The following KCNH1 variants were observed in gnomAD, a reference collection of about 807,000 sequenced individuals.
KCNH1 encodes voltage-gated delayed rectifier potassium channel KCNH1.
In KCNH1, 27 loss-of-function variants were observed where a neutral mutation model predicts 69.2. The ratio of observed to expected loss-of-function variants is 0.39; its 90% CI spans 0.29 to 0.54. The LOEUF is 0.54. Ranked by LOEUF, KCNH1 falls within the 20% of genes least tolerant of loss-of-function variation. The pLI is 0.68. For missense variants in KCNH1, 798 were observed against 1,261.6 expected, an observed-to-expected ratio of 0.63 and a Z score of 5.57; for synonymous variants, 456 against 487.7, an observed-to-expected ratio of 0.93 and a Z score of 0.86.
chr1:211,069,973 A>G (rs1415963472), intron 5 of KCNH1, among the ~76,000 whole-genome samples: 1 of 152,242 alleles, frequency 6.6e-6, no homozygotes, highest in African/African-American at 2.4e-5. Flanking sequence ...GGACAACTAC[A>G]AAAGGTATAA....
At chr1:211,072,048 G>C (rs1049727303) in intron 5 of KCNH1, among the ~76,000 whole-genome samples, 1 of 152,112 alleles carries the variant, frequency 6.6e-6, no homozygotes, top group Non-Finnish European at 1.5e-5. Context: ...GGCGGAGGTG[G>C]GAGGATCACC....
chr1:210,786,182 A>C (rs76423775), intron 9 of KCNH1, among the ~76,000 whole-genome samples: 6,782 of 152,102 alleles, frequency 0.045, 215 homozygotes, highest in Non-Finnish European at 0.063. Flanking sequence ...ATAGTCAATA[A>C]CTCCTTTGCT....
At chr1:210,885,494 G>GA (rs1686584201) in intron 7 of KCNH1, among the ~76,000 whole-genome samples, 1 of 148,720 alleles carries the variant, frequency 6.7e-6, no homozygotes, top group African/African-American at 2.6e-5. Flanking sequence ...ATTTGGGCAG[G>GA]AGTTTTTTTT....
chr1:210,829,027 T>C (rs1043664039), intron 7 of KCNH1, among the ~76,000 whole-genome samples: 4 of 152,224 alleles, frequency 2.6e-5, no homozygotes, highest in Admixed American at 2.6e-4. Flanking sequence ...GCATAGCTTA[T>C]GTTTTCAAGT....
chr1:211,062,877 CCT>C (rs1265192852), intron 5 of KCNH1, among the ~76,000 whole-genome samples: 2 of 152,158 alleles, frequency 1.3e-5, no homozygotes, highest in African/African-American at 4.8e-5. Context: ...ATTAGTACAA[CCT>C]CTGTGGAGAA....
rs10693882 is a variant in KCNH1 at position 210,832,921 on chromosome 1, T to TATATATACAC, written c.1463-28756_1463-28755insGTGTATATAT. Among the ~76,000 whole-genome samples, 46 of 144,296 alleles carry TATATATACAC rather than the reference T, an allele frequency of 3.2e-4. 1 individual carries two copies. The highest frequency in any genetic ancestry group is 2.6e-3 in the East Asian group (13 of 5,074). 94.7% of individuals were successfully genotyped at this position (144,296 alleles called of 152,430 possible). A position where few individuals can be genotyped will look rare whatever the true frequency, so the allele number is the denominator to read the frequency against. ...TTTCTCAAATACATATATATATATA[T>TATATATACAC]ACATATAAATTGAATTTGAGGAAGT... On this transcript the variant is annotated intron_variant, in intron 7 of 10. Transcript: ENST00000271751.
intron 10 of KCNH1, among the ~76,000 whole-genome samples, chr1:210,702,883 G>A (rs907108350): frequency 2.7e-5 from 4 of 149,472 alleles, no homozygotes; most frequent in East Asian, 1.9e-4. Flanking sequence ...TCTGCCTTCC[G>A]TCTTTCAAAA....
At chr1:210,711,757 G>A (rs960716036) in intron 10 of KCNH1, among the ~76,000 whole-genome samples, 3 of 152,140 alleles carry the variant, frequency 2.0e-5, no homozygotes, top group African/African-American at 7.2e-5. Flanking sequence ...GTCCACTGTG[G>A]GCAGGGACTT....
intron 7 of KCNH1, among the ~76,000 whole-genome samples, chr1:210,912,390 G>C (rs972138291): frequency 1.3e-5 from 2 of 151,050 alleles, no homozygotes; most frequent in Non-Finnish European, 2.9e-5. Flanking sequence ...CTGCAGTCAG[G>C]CCAACTTTTT....
intron 1 of KCNH1, among the ~76,000 whole-genome samples, chr1:211,116,963 C>A (rs1691593771): frequency 6.6e-6 from 1 of 152,130 alleles, no homozygotes; most frequent in Admixed American, 6.5e-5. Flanking sequence ...GAGTAAAAAT[C>A]TGAAGGGAAT....
At chr1:210,791,326 C>T (rs4951605) in intron 9 of KCNH1, among the ~76,000 whole-genome samples, 20,329 of 152,154 alleles carry the variant, frequency 0.13, 1,446 homozygotes, top group Non-Finnish European at 0.16. Flanking sequence ...CAACCACATG[C>T]GTGGAATCAC....
intron 5 of KCNH1, among the ~76,000 whole-genome samples, chr1:211,026,253 G>T (rs1363208080): frequency 1.3e-5 from 2 of 151,538 alleles, no homozygotes; most frequent in Non-Finnish European, 2.9e-5. Context: ...GAAAGGTGGA[G>T]AAAAGAAAGT....
At chr1:211,047,280 G>A (rs533806256) in intron 5 of KCNH1, among the ~76,000 whole-genome samples, 1 of 152,166 alleles carries the variant, frequency 6.6e-6, no homozygotes. Context: ...ACAAATATAG[G>A]CATTGGTCTC....
intron 3 of KCNH1, 27 bp from the exon 4 acceptor site, chr1:211,090,717 A>G: frequency 6.3e-7 from 1 of 1,587,642 alleles, no homozygotes; most frequent in Non-Finnish European, 8.5e-7. Flanking sequence ...AAGGTTGGTC[A>G]GTAATTTGCA....
At chr1:211,048,051 T>C (rs1690125361) in intron 5 of KCNH1, among the ~76,000 whole-genome samples, 2 of 152,112 alleles carry the variant, frequency 1.3e-5, no homozygotes, top group African/African-American at 4.8e-5. Flanking sequence ...CTCAAAAGAA[T>C]ATGCAAATGG....
chr1:210,766,362 C>T (rs983098251), intron 10 of KCNH1, among the ~76,000 whole-genome samples: 1 of 152,082 alleles, frequency 6.6e-6, no homozygotes. Flanking sequence ...CCCGTCTCTA[C>T]TAAAAATACA....
At chr1:210,708,189 G>A (rs17016740) in intron 10 of KCNH1, among the ~76,000 whole-genome samples, 1 of 150,772 alleles carries the variant, frequency 6.6e-6, no homozygotes, top group South Asian at 2.1e-4. Flanking sequence ...CATTTATGCT[G>A]CTTTTACTCT....
Position 211,050,260 on chromosome 1 carries a change from T to TAAAAAAAAAAAAAAA in KCNH1, c.559-31019_559-31005dup, listed in dbSNP as rs747498526. The stretch of plus-strand genomic sequence containing the variant: ...AGGACAAACTCAGCCCACACATTCT[T>TAAAAAAAAAAAAAAA]AAAAAAAAAAAAAAAAAAAAAAAAA... On this transcript the variant is annotated intron_variant, in intron 5 of 10. Coordinates refer to ENST00000271751, the MANE Select transcript of KCNH1 (RefSeq NM_172362.3). Among the ~76,000 whole-genome samples, 180 of 58,530 alleles carry TAAAAAAAAAAAAAAA rather than the reference T, an allele frequency of 3.1e-3. 37 individuals are homozygous for TAAAAAAAAAAAAAAA. The highest frequency in any genetic ancestry group is 6.0e-3 in the Admixed American group (23 of 3,808). The allele number at this position is 58,530 out of a possible 152,430, so 38.4% of individuals were successfully genotyped here. A position where few individuals can be genotyped will look rare whatever the true frequency, so the allele number is the denominator to read the frequency against.
At chr1:211,007,745 G>A (rs199725790) in intron 6 of KCNH1, among the ~76,000 whole-genome samples, 14 of 152,108 alleles carry the variant, frequency 9.2e-5, no homozygotes, top group Admixed American at 9.2e-4. Flanking sequence ...TCCTACCTCT[G>A]AGAATGTGCC....
Sources: allele counts gnomAD v4.1 joint callset (sites outside exome capture counted in the v4.1 genomes callset), GRCh38; gene constraint gnomAD v4.1.1; transcripts MANE v1.5; gene names NCBI Gene and HGNC (gene_info 2026-07-23, HGNC 2026-07-21).